CNIH3: variants seen among roughly 807,000 people sequenced by gnomAD.
CNIH3 encodes the protein cornichon family AMPA receptor auxiliary protein 3, also known as protein cornichon homolog 3.
A neutral mutation model predicts 24.1 loss-of-function variants in CNIH3; 14 were observed. The observed-to-expected ratio is 0.58, with a 90% CI of 0.38 to 0.91. The LOEUF (loss-of-function observed/expected upper bound fraction) is 0.91, where lower values mean the gene tolerates loss of function less well. Ranked by LOEUF, CNIH3 falls within the 40% of genes least tolerant of loss-of-function variation. The pLI, the probability that CNIH3 is intolerant of heterozygous loss-of-function variation, is 0.00. For missense variants in CNIH3, 178 were observed against 196.8 expected (o/e 0.90, Z 0.57); for synonymous variants, 68 against 73.8 (o/e 0.92, Z 0.40).
chr1:224,461,007 C>CTTT (rs1401791707), intron 1 of CNIH3, among the ~76,000 whole-genome samples: 1 of 141,664 alleles, frequency 7.1e-6, no homozygotes, highest in Non-Finnish European at 1.6e-5. Context: ...TTAATTTTTT[C>CTTT]TTTTTTTTTT....
intron 1 of CNIH3, among the ~76,000 whole-genome samples, chr1:224,473,688 C>G (rs540830103): frequency 2.6e-5 from 4 of 152,018 alleles, no homozygotes; most frequent in African/African-American, 9.7e-5. Context: ...GAGAGAGAGA[C>G]AACAATAGCT....
chr1:224,718,446 G>T (rs1688546417), intron 3 of CNIH3, among the ~76,000 whole-genome samples: 1 of 152,204 alleles, frequency 6.6e-6, no homozygotes, highest in Non-Finnish European at 1.5e-5. Flanking sequence ...GGGCACAGAG[G>T]CCAGATCATG....
intron 3 of CNIH3, among the ~76,000 whole-genome samples, chr1:224,713,746 T>G (rs2125206796): frequency 6.6e-6 from 1 of 152,336 alleles, no homozygotes; most frequent in South Asian, 2.1e-4. Context: ...TCTGTTTATT[T>G]TAGTGTTAAT....
chr1:224,486,975 G>A (rs750216693), intron 1 of CNIH3, among the ~76,000 whole-genome samples: 21 of 152,166 alleles, frequency 1.4e-4, no homozygotes, highest in Non-Finnish European at 2.4e-4. Context: ...CGAAAGTCAC[G>A]TAAAGAGCCA....
intron 1 of CNIH3, among the ~76,000 whole-genome samples, chr1:224,631,186 C>T (rs1406245666): frequency 6.6e-6 from 1 of 152,010 alleles, no homozygotes; most frequent in Non-Finnish European, 1.5e-5. Flanking sequence ...AACAACAAAA[C>T]CAAAGGTGCA....
intron 2 of CNIH3, among the ~76,000 whole-genome samples, chr1:224,521,782 C>T (rs140981429): frequency 1.6e-3 from 242 of 152,174 alleles, no homozygotes; most frequent in African/African-American, 4.4e-3. Context: ...TGCTTGAGAC[C>T]GGTATGCAGC....
At chr1:224,507,142 G>A (rs959511405) in intron 1 of CNIH3, among the ~76,000 whole-genome samples, 11 of 152,138 alleles carry the variant, frequency 7.2e-5, no homozygotes, top group Admixed American at 2.0e-4. Context: ...TGGGATTACA[G>A]GCATGAGCCA....
At chr1:224,646,959 T>G (rs1347847763) in intron 1 of CNIH3, among the ~76,000 whole-genome samples, 1 of 152,160 alleles carries the variant, frequency 6.6e-6, no homozygotes, top group Non-Finnish European at 1.5e-5. Flanking sequence ...GAGACATGAC[T>G]GCTGTCACAC....
At chr1:224,481,594 A>G (rs1421720489) in intron 1 of CNIH3, among the ~76,000 whole-genome samples, 3 of 152,112 alleles carry the variant, frequency 2.0e-5, no homozygotes, top group Non-Finnish European at 2.9e-5. Flanking sequence ...CTTCCCTTAA[A>G]TTCTCCCAAA....
chr1:224,582,838 A>G (rs1681335568), intron 4 of CNIH3, among the ~76,000 whole-genome samples: 2 of 152,180 alleles, frequency 1.3e-5, no homozygotes, highest in South Asian at 2.1e-4. Context: ...TAGAGGGGAA[A>G]AAGAATTTGC....
At chr1:224,677,407 G>A (rs1278690841) in intron 1 of CNIH3, among the ~76,000 whole-genome samples, 1 of 152,224 alleles carries the variant, frequency 6.6e-6, no homozygotes, top group African/African-American at 2.4e-5. Context: ...CATTGCCTGT[G>A]TCTAAAGGAT....
intron 2 of CNIH3, among the ~76,000 whole-genome samples, chr1:224,535,673 A>T (rs1274191672): frequency 6.6e-6 from 1 of 152,140 alleles, no homozygotes; most frequent in African/African-American, 2.4e-5. Context: ...AACCGAGGAG[A>T]GTGGAATGAA....
chr1:224,452,963 A>G (rs529281020), intron 1 of CNIH3, among the ~76,000 whole-genome samples: 2 of 150,842 alleles, frequency 1.3e-5, no homozygotes, highest in South Asian at 4.2e-4. Flanking sequence ...TCTACTAAAA[A>G]TACAAAATTA....
At chr1:224,569,740 T>C (rs1402484641) in intron 4 of CNIH3, among the ~76,000 whole-genome samples, 2 of 152,112 alleles carry the variant, frequency 1.3e-5, no homozygotes, top group Non-Finnish European at 2.9e-5. Context: ...TAGTATCTTA[T>C]TGTGGTTTGT....
intron 5 of CNIH3, among the ~76,000 whole-genome samples, chr1:224,586,328 G>A (rs1681506744): frequency 6.6e-6 from 1 of 152,152 alleles, no homozygotes; most frequent in South Asian, 2.1e-4. Flanking sequence ...AAGGTGAAAG[G>A]CATGTCTCAC....
intron 5 of CNIH3, among the ~76,000 whole-genome samples, chr1:224,583,796 G>A (rs1681378123): frequency 6.6e-6 from 1 of 152,212 alleles, no homozygotes; most frequent in African/African-American, 2.4e-5. Context: ...GAAGGTGATT[G>A]TAATGGCCTA....
At chr1:224,539,210 T>C (rs1679416012), downstream of CNIH3, among the ~76,000 whole-genome samples, 1 of 152,212 alleles carries the variant, frequency 6.6e-6, no homozygotes, top group Non-Finnish European at 1.5e-5. Context: ...TTATCATGGC[T>C]ATTAGGACTT....
At position 224,616,960 on chromosome 1, in the gene CNIH3, C is replaced by T; in HGVS notation, c.-215C>T. On this transcript the variant is annotated 5_prime_UTR_variant, in exon 1 of 6. Transcript: ENST00000272133. ...CTCTCGACACACGTTTTCCTGTCTTCGCCGGAGGGCCGGGTCTGGGGTCGC... is the reference window on the plus strand; with the variant it reads ...CTCTCGACACACGTTTTCCTGTCTTTGCCGGAGGGCCGGGTCTGGGGTCGC... 1 of 1,392,430 alleles carries T rather than the reference C, an allele frequency of 7.2e-7. No homozygotes were observed. The highest frequency in any genetic ancestry group is 9.3e-7 in the Non-Finnish European group (1 of 1,078,878). 86.3% of individuals were successfully genotyped at this position (1,392,430 alleles called of 1,614,324 possible). A position where few individuals can be genotyped will look rare whatever the true frequency, so the allele number is the denominator to read the frequency against.
intron 1 of CNIH3, among the ~76,000 whole-genome samples, chr1:224,451,767 A>G (rs747364207): frequency 3.2e-4 from 48 of 152,222 alleles, no homozygotes; most frequent in Non-Finnish European, 1.9e-4. Flanking sequence ...CTTCCAGAAC[A>G]GTTCTATCCC....
Sources: gnomAD v4.1 joint callset for allele counts (sites outside exome capture counted in the v4.1 genomes callset) on GRCh38, gnomAD v4.1.1 for gene constraint, MANE v1.5 for transcripts, NCBI Gene and HGNC (gene_info 2026-07-23, HGNC 2026-07-21) for gene names.